Variants in GLIS3 observed in about 807,000 individuals in gnomAD.
GLIS3 encodes the protein GLIS family zinc finger 3, also known as zinc finger protein GLIS3.
GLIS3 carries 53 observed loss-of-function variants against 78.6 expected under a neutral mutation model. The ratio of observed to expected loss-of-function variants is 0.67; its 90% confidence interval spans 0.54 to 0.85. The LOEUF (loss-of-function observed/expected upper bound fraction) is 0.85. GLIS3 is among the 40% of genes least tolerant of loss of function. GLIS3 has a pLI of 0.00. For missense variants in GLIS3, 1,703 were observed against 1,231.1 expected (o/e 1.38, Z -5.74); for synonymous variants, 684 against 509.9 (o/e 1.34, Z -4.60).
At chr9:3,858,903 G>C (rs1274007909) in intron 8 of GLIS3, among the ~76,000 whole-genome samples, 1 of 152,158 alleles carries the variant, frequency 6.6e-6, no homozygotes, top group Non-Finnish European at 1.5e-5. Context: ...TTTTGTTACT[G>C]TGTAAAAACA....
intron 2 of GLIS3, among the ~76,000 whole-genome samples, chr9:4,315,904 A>G (rs1373832255): frequency 2.6e-5 from 4 of 152,240 alleles, no homozygotes; most frequent in Non-Finnish European, 2.9e-5. Context: ...GATATCTCGT[A>G]TTACCTCTTG....
chr9:4,238,246 A>C (rs943660649), intron 2 of GLIS3, among the ~76,000 whole-genome samples: 3 of 151,980 alleles, frequency 2.0e-5, no homozygotes, highest in Admixed American at 2.0e-4. Context: ...AAAAGGAGGG[A>C]GGTGATCTCT....
intron 2 of GLIS3, among the ~76,000 whole-genome samples, chr9:4,174,423 T>A (rs1489982310): frequency 6.6e-6 from 1 of 152,158 alleles, no homozygotes; most frequent in African/African-American, 2.4e-5. Flanking sequence ...TACAAAAAAA[T>A]ATATAAATTC....
intron 4 of GLIS3, among the ~76,000 whole-genome samples, chr9:4,084,474 A>G (rs1031410944): frequency 7.9e-5 from 12 of 152,138 alleles, no homozygotes; most frequent in Non-Finnish European, 1.8e-4. Flanking sequence ...GAGAAGAAAC[A>G]GCCACGGGAA....
At chr9:3,845,924 G>A (rs1014210819) in intron 9 of GLIS3, among the ~76,000 whole-genome samples, 2 of 152,206 alleles carry the variant, frequency 1.3e-5, no homozygotes, top group Non-Finnish European at 2.9e-5. Context: ...ACTGTTTCAA[G>A]ATTTAAAACT....
chr9:3,877,168 C>T (rs1821372161), intron 8 of GLIS3, among the ~76,000 whole-genome samples: 1 of 152,096 alleles, frequency 6.6e-6, no homozygotes, highest in South Asian at 2.1e-4. Context: ...GATTCTCAGC[C>T]AGGCAGAATG....
intron 4 of GLIS3, among the ~76,000 whole-genome samples, chr9:4,097,457 G>C (rs1245733842): frequency 2.0e-5 from 3 of 151,970 alleles, no homozygotes; most frequent in African/African-American, 7.3e-5. Flanking sequence ...CTCTATCCTA[G>C]AAATCACCAG....
At chr9:4,020,494 C>T (rs929213509) in intron 4 of GLIS3, among the ~76,000 whole-genome samples, 1 of 152,126 alleles carries the variant, frequency 6.6e-6, no homozygotes, top group African/African-American at 2.4e-5. Context: ...ATTTCACCAA[C>T]CCTTTTGCTT....
At chr9:3,953,795 CTATA>C (rs57500093) in intron 4 of GLIS3, among the ~76,000 whole-genome samples, 2,815 of 72,628 alleles carry the variant, frequency 0.039, 44 homozygotes, top group African/African-American at 0.048. Flanking sequence ...CTCTCTCTCT[CTATA>C]TATATATATA....
intron 4 of GLIS3, among the ~76,000 whole-genome samples, chr9:4,018,726 G>A (rs1449069973): frequency 1.3e-5 from 2 of 152,142 alleles, no homozygotes; most frequent in Non-Finnish European, 2.9e-5. Context: ...TCCCCTGGAA[G>A]GCAGGTATAC....
the GLIS3 span, among the ~76,000 whole-genome samples, chr9:4,394,779 CTAA>C: frequency 6.9e-3 from 1,047 of 152,286 alleles, 5 homozygotes; most frequent in African/African-American, 0.024. Flanking sequence ...CTCTTCACCA[CTAA>C]TGAGAAAAAT....
chr9:3,985,032 T>C (rs558444975), intron 4 of GLIS3, among the ~76,000 whole-genome samples: 37 of 151,966 alleles, frequency 2.4e-4, no homozygotes, highest in South Asian at 2.1e-3. Flanking sequence ...CTTTTGTAAA[T>C]TGCCCAGTCT....
intron 2 of GLIS3, among the ~76,000 whole-genome samples, chr9:4,243,567 T>A (rs72691867): frequency 0.017 from 2,568 of 152,344 alleles, 43 homozygotes; most frequent in Admixed American, 0.03. Context: ...AGATGGTTAT[T>A]TTGCTGGTTA....
intron 2 of GLIS3, among the ~76,000 whole-genome samples, chr9:4,316,219 G>T (rs1295167386): frequency 2.0e-5 from 3 of 152,146 alleles, no homozygotes; most frequent in Admixed American, 2.0e-4. Context: ...AAGCTAAATT[G>T]TAAAGAATAA....
chr9:4,188,155 T>C (rs1817983645), intron 2 of GLIS3, among the ~76,000 whole-genome samples: 1 of 151,182 alleles, frequency 6.6e-6, no homozygotes, highest in African/African-American at 2.4e-5. Flanking sequence ...GCTCTTATTA[T>C]TTTGAGATAC....
At chr9:3,833,056 C>A (rs553903505) in intron 9 of GLIS3, among the ~76,000 whole-genome samples, 1 of 152,166 alleles carries the variant, frequency 6.6e-6, no homozygotes, top group Non-Finnish European at 1.5e-5. Context: ...GCAAAATACA[C>A]CTAGAAAAGT....
intron 2 of GLIS3, among the ~76,000 whole-genome samples, chr9:4,195,707 G>C (rs10974386): frequency 6.6e-6 from 1 of 152,230 alleles, no homozygotes. Context: ...TGGCCACAGC[G>C]CGGGATCCAC....
intron 4 of GLIS3, among the ~76,000 whole-genome samples, 194 bp downstream of exon 4, chr9:4,117,574 A>G (rs540452869): frequency 2.2e-4 from 33 of 152,272 alleles, no homozygotes; most frequent in Admixed American, 5.2e-4. Flanking sequence ...CCTTTGCAGA[A>G]GGAAATATAG....
chr9:4,145,956 G>A (rs544605802), intron 2 of GLIS3, among the ~76,000 whole-genome samples: 4 of 152,212 alleles, frequency 2.6e-5, no homozygotes, highest in African/African-American at 9.6e-5. Flanking sequence ...TGACAAAAAA[G>A]TACAAATCTG....
Sources: allele counts gnomAD v4.1 joint callset (sites outside exome capture counted in the v4.1 genomes callset), GRCh38; gene constraint gnomAD v4.1.1; transcripts MANE v1.5; gene names NCBI Gene and HGNC (gene_info 2026-07-23, HGNC 2026-07-21).